The following COL6A6 variants were observed in gnomAD, a reference collection of about 807,000 sequenced individuals.
The protein encoded by COL6A6 is collagen type VI alpha 6 chain, also known as collagen alpha-6(VI) chain.
Under a neutral mutation model 208.6 loss-of-function variants are expected in COL6A6, and 183 were observed. That is an observed-to-expected ratio of 0.88 (90% CI 0.78 to 0.99). The LOEUF is 0.99. Among genes scored for constraint, COL6A6 ranks in the 50% least tolerant of loss-of-function variants. The probability of loss-of-function intolerance (pLI) is 0.00; values close to 1 mark genes in which losing one functional copy is unlikely to be tolerated. For missense variants in COL6A6, 2,816 were observed against 2,815.2 expected (o/e 1.00, Z -0.01); for synonymous variants, 973 against 1,011.8 (o/e 0.96, Z 0.73).
intron 18 of COL6A6, among the ~76,000 whole-genome samples, chr3:130,594,649 A>G (rs2063801538): frequency 6.6e-6 from 1 of 152,234 alleles, no homozygotes; most frequent in Non-Finnish European, 1.5e-5. Flanking sequence ...GCACCTCAAA[A>G]TACAAACACA....
At chr3:130,665,243 G>T in intron 36 of COL6A6, 147 bp downstream of exon 36, 3 of 544,930 alleles carry the variant, frequency 5.5e-6, no homozygotes, top group South Asian at 2.9e-5. Context: ...ATAATTCGAA[G>T]GAACAAGAGA....
At chr3:130,586,826 G>A (rs995480101) in intron 11 of COL6A6, among the ~76,000 whole-genome samples, 166 bp downstream of exon 11, 3 of 152,154 alleles carry the variant, frequency 2.0e-5, no homozygotes, top group Non-Finnish European at 4.4e-5. Flanking sequence ...TGGAAGAAAT[G>A]TAATACAGTA....
chr3:130,570,756 A>G (rs2063142609), intron 6 of COL6A6, 62 bp from the exon 7 acceptor site: 3 of 1,260,910 alleles, frequency 2.4e-6, no homozygotes, highest in Non-Finnish European at 3.3e-6. Context: ...AAAAAGGTTG[A>G]GGCGTCTCCC....
At chr3:130,674,707 T>C (rs553071595) in intron 36 of COL6A6, among the ~76,000 whole-genome samples, 1 of 152,224 alleles carries the variant, frequency 6.6e-6, no homozygotes, top group Admixed American at 6.5e-5. Context: ...ATTACTATAG[T>C]GAACAGACAA....
chr3:130,574,048 G>GC lies in COL6A6; in HGVS notation c.3071dup (p.Ser1025IlefsTer7). On this transcript the variant is annotated frameshift_variant, in exon 8 of 37. Coordinates refer to ENST00000358511, the MANE Select transcript of COL6A6 (RefSeq NM_001102608.3). LOFTEE classifies it high-confidence loss of function. ...CTTCAAGAAAATGAAGGAATTTCTGGCATCTGTTGTTCAAGACTTTGATGT... is the reference window on the plus strand; with the variant it reads ...CTTCAAGAAAATGAAGGAATTTCTGGCCATCTGTTGTTCAAGACTTTGATGT... 1.2e-6 allele frequency: 2 copies of GC among 1,613,818 alleles called. No individual in the cohort carries two copies. The highest frequency in any genetic ancestry group is 8.5e-7 in the Non-Finnish European group (1 of 1,179,790).
In COL6A6 at chr3:130,639,584, C is replaced by T. The variant is rs540789569; in HGVS notation, c.5092-2068C>T. Among the ~76,000 whole-genome samples the T allele has an allele frequency of 4.2e-3, 634 of 151,518 alleles. 1 individual carries two copies. Among genetic ancestry groups the T allele is most frequent in the African/African-American group, 0.014 (560 of 41,296 alleles). On this transcript the variant is annotated intron_variant, in intron 28 of 36. Coordinates refer to ENST00000358511, the MANE Select transcript of COL6A6 (RefSeq NM_001102608.3). ...GGCATGTACCTGTAGCCCCAGCTAC[C>T]AGGGGGCTGAGGTGTGAGGATCACC...
chr3:130,528,427 A>G (rs1237776375), intron 1 of COL6A6, among the ~76,000 whole-genome samples: 1 of 152,208 alleles, frequency 6.6e-6, no homozygotes, highest in Non-Finnish European at 1.5e-5. Flanking sequence ...TTAAGTAGCA[A>G]TGGAATAGGG....
At chr3:130,570,639 A>C (rs1355462852) in intron 6 of COL6A6, among the ~76,000 whole-genome samples, 179 bp from the exon 7 acceptor site, 1 of 152,188 alleles carries the variant, frequency 6.6e-6, no homozygotes, top group Admixed American at 6.5e-5. Flanking sequence ...AGTGAGTATT[A>C]ACTGTATACT....
At position 130,594,311 on chromosome 3, in the gene COL6A6, G is replaced by C; in HGVS notation, c.4501G>C (p.Asp1501His). 6.2e-7 allele frequency: 1 copy of C among 1,613,600 alleles called. No individual in the cohort carries two copies. The highest frequency in any genetic ancestry group is 8.5e-7 in the Non-Finnish European group (1 of 1,179,724). ...CCCAGGGAAGAGAGGGACTCCTGGT[G>C]ACCGTGGAGCAAAGGGCCTGCGAGG... ...GSPGKRGTPG[D>H]RGAKGLRGDP... Residue 1501 changes from aspartate to histidine, a missense_variant, in exon 18 of 37, where the codon GAC becomes CAC. Transcript: ENST00000358511.
intron 4 of COL6A6, 66 bp from the exon 5 acceptor site, chr3:130,566,636 C>T: frequency 7.5e-7 from 1 of 1,325,708 alleles, no homozygotes; most frequent in Non-Finnish European, 1.0e-6. Flanking sequence ...TTCTTCTTTC[C>T]ATGTGCTCTC....
At chr3:130,546,211 G>C (rs954168537) in intron 1 of COL6A6, among the ~76,000 whole-genome samples, 1 of 152,102 alleles carries the variant, frequency 6.6e-6, no homozygotes, top group East Asian at 1.9e-4. Flanking sequence ...TCCTTCTGAC[G>C]TTCGGATGTG....
In COL6A6 at chr3:130,568,592, A is replaced by G. The variant is rs752734162; in HGVS notation, c.2389A>G (p.Ser797Gly). ...IEDDLVFGIC[S>G]PREECKRIEV... ...AGATGATCTTGTTTTTGGAATATGC[A>G]GCCCCCGTGAAGGTAGGCATGGGCA... The change falls in exon 6 of 37, where the codon AGC becomes GGC. Residue 797 changes from serine (S) to glycine (G), a missense_variant. Physicochemically the swap from Ser to Gly is moderately conservative, Grantham distance 56 (BLOSUM62 0). Coordinates refer to ENST00000358511, the MANE Select transcript of COL6A6 (RefSeq NM_001102608.3). The G allele has an allele frequency of 6.3e-7, 1 of 1,598,068 alleles. No individual in the cohort carries two copies. Among genetic ancestry groups the G allele is most frequent in the South Asian group, 1.1e-5 (1 of 90,234 alleles).
intron 6 of COL6A6, among the ~76,000 whole-genome samples, chr3:130,569,515 G>C (rs2063109866): frequency 6.6e-6 from 1 of 152,314 alleles, no homozygotes; most frequent in African/African-American, 2.4e-5. Context: ...GATCTGCATG[G>C]AGTTTAAAGG....
intron 28 of COL6A6, among the ~76,000 whole-genome samples, chr3:130,638,794 G>A (rs2065228261): frequency 6.6e-6 from 1 of 152,188 alleles, no homozygotes; most frequent in African/African-American, 2.4e-5. Flanking sequence ...GTTACTTGGG[G>A]AAGCCCAAAG....
chr3:130,620,578 G>A (rs2064684687), intron 23 of COL6A6, among the ~76,000 whole-genome samples: 1 of 152,078 alleles, frequency 6.6e-6, no homozygotes, highest in Non-Finnish European at 1.5e-5. Flanking sequence ...TATGGAGGGT[G>A]ACAATATTGA....
chr3:130,618,672 C>T (rs1196585303), intron 23 of COL6A6, among the ~76,000 whole-genome samples: 2 of 152,228 alleles, frequency 1.3e-5, no homozygotes, highest in Non-Finnish European at 2.9e-5. Context: ...GAGCCTTATT[C>T]ATCTAAGTCA....
intron 20 of COL6A6, among the ~76,000 whole-genome samples, chr3:130,603,287 C>T (rs781210874): frequency 1.3e-5 from 2 of 152,218 alleles, no homozygotes; most frequent in Non-Finnish European, 2.9e-5. Context: ...CGCCCATTAG[C>T]TGCCAGTAAC....
At chr3:130,669,560 G>A (rs1227333490) in intron 36 of COL6A6, among the ~76,000 whole-genome samples, 1 of 151,994 alleles carries the variant, frequency 6.6e-6, no homozygotes, top group Non-Finnish European at 1.5e-5. Flanking sequence ...TGCACCAGAA[G>A]TCATGATTTA....
chr3:130,563,050 A>C lies in COL6A6; in HGVS notation c.65-18A>C, dbSNP rs111916367. On this transcript the variant is annotated intron_variant, in intron 2 of 36. Transcript: ENST00000358511. ...TTTTTAAAGTTTTTGGTTCGTTCAT[A>C]TGTTTGTGGTTTTGCAGGCCCTGAG... 6.4e-7 allele frequency: 1 copy of C among 1,574,500 alleles called. No homozygotes were observed. Among genetic ancestry groups the C allele is most frequent in the Non-Finnish European group, 8.7e-7 (1 of 1,155,940 alleles).
Sources: allele counts gnomAD v4.1 joint callset (sites outside exome capture counted in the v4.1 genomes callset), GRCh38; gene constraint gnomAD v4.1.1; transcripts MANE v1.5; gene names NCBI Gene and HGNC (gene_info 2026-07-23, HGNC 2026-07-21).